Variants in PLCB1 observed in about 807,000 individuals in gnomAD.
The protein encoded by PLCB1 is phospholipase C beta 1.
PLCB1 carries 46 observed loss-of-function variants against 161.8 expected under a neutral mutation model. The observed-to-expected ratio is 0.28, with a 90% CI of 0.22 to 0.36. PLCB1 has a LOEUF of 0.36. Among genes scored for constraint, PLCB1 ranks in the 10% least tolerant of loss-of-function variants. The probability of loss-of-function intolerance (pLI) is 1.00; values close to 1 mark genes in which losing one functional copy is unlikely to be tolerated. For synonymous variants in PLCB1, 517 were observed against 503.7 expected (o/e 1.03, Z -0.35); for missense variants, 1,016 against 1,472.5 (o/e 0.69, Z 5.07).
intron 3 of PLCB1, among the ~76,000 whole-genome samples, chr20:8,379,637 C>T (rs1376291142): frequency 6.6e-6 from 1 of 152,122 alleles, no homozygotes; most frequent in Non-Finnish European, 1.5e-5. Flanking sequence ...TTTTAATAAT[C>T]ACGATTCTGA....
chr20:8,504,219 G>A (rs1465876292), intron 3 of PLCB1, among the ~76,000 whole-genome samples: 5 of 152,118 alleles, frequency 3.3e-5, no homozygotes, highest in African/African-American at 9.7e-5. Flanking sequence ...AGCCTGCACC[G>A]TTTCTAATGT....
chr20:8,339,883 C>T (rs150432538), intron 2 of PLCB1, among the ~76,000 whole-genome samples: 3 of 152,078 alleles, frequency 2.0e-5, no homozygotes, highest in African/African-American at 7.2e-5. Flanking sequence ...ATGGGAGGAT[C>T]GCTTGAGGTC....
At chr20:8,744,130 G>T (rs1197860804) in intron 23 of PLCB1, among the ~76,000 whole-genome samples, 1 of 151,436 alleles carries the variant, frequency 6.6e-6, no homozygotes, top group Non-Finnish European at 1.5e-5. Context: ...ACACCTATAT[G>T]ACAAACCCTC....
intron 2 of PLCB1, among the ~76,000 whole-genome samples, chr20:8,235,878 A>T (rs916159440): frequency 9.3e-4 from 140 of 150,908 alleles, no homozygotes; most frequent in African/African-American, 3.2e-3. Context: ...ACCTATATTT[A>T]AAAAAAATCT....
At chr20:8,398,666 T>C (rs1324781644) in intron 3 of PLCB1, among the ~76,000 whole-genome samples, 4 of 152,090 alleles carry the variant, frequency 2.6e-5, no homozygotes, top group Non-Finnish European at 5.9e-5. Flanking sequence ...AGTCCCTACC[T>C]CCAACGCCCT....
chr20:8,143,841 GAA>G, intron 1 of PLCB1, among the ~76,000 whole-genome samples: 1 of 152,310 alleles, frequency 6.6e-6, no homozygotes, highest in Non-Finnish European at 1.5e-5. Context: ...AAGTCAACCA[GAA>G]ACCATTAAAA....
chr20:8,423,593 C>T (rs1226144433), intron 3 of PLCB1, among the ~76,000 whole-genome samples: 1 of 152,100 alleles, frequency 6.6e-6, no homozygotes, highest in African/African-American at 2.4e-5. Flanking sequence ...TCGTATTTGT[C>T]CTCAGAGAGA....
At chr20:8,332,381 C>A (rs116647467) in intron 2 of PLCB1, among the ~76,000 whole-genome samples, 1 of 152,220 alleles carries the variant, frequency 6.6e-6, no homozygotes, top group South Asian at 2.1e-4. Flanking sequence ...CTAAATAGAT[C>A]CCAAAATACA....
intron 2 of PLCB1, among the ~76,000 whole-genome samples, chr20:8,326,402 C>G (rs554863017): frequency 6.6e-6 from 1 of 152,342 alleles, no homozygotes; most frequent in South Asian, 2.1e-4. Context: ...GCTTACAGCA[C>G]AGCACAAGCT....
At chr20:8,376,934 AAAAAAG>A (rs1368480458) in intron 3 of PLCB1, among the ~76,000 whole-genome samples, 2 of 152,068 alleles carry the variant, frequency 1.3e-5, no homozygotes, top group African/African-American at 4.8e-5. Flanking sequence ...TCTCAAAAAA[AAAAAAG>A]AAAAAGAAAG....
At chr20:8,484,473 G>A (rs548507408) in intron 3 of PLCB1, among the ~76,000 whole-genome samples, 1 of 151,440 alleles carries the variant, frequency 6.6e-6, no homozygotes, top group East Asian at 2.0e-4. Flanking sequence ...GTGTTCTCCT[G>A]CCTCAGCCTC....
At chr20:8,817,039 C>T (rs1414292822) in intron 31 of PLCB1, among the ~76,000 whole-genome samples, 5 of 152,112 alleles carry the variant, frequency 3.3e-5, no homozygotes, top group Non-Finnish European at 7.4e-5. Context: ...TTGATTGGTT[C>T]TTAGTAGAAT....
At chr20:8,592,463 G>A (rs545063203) in intron 3 of PLCB1, among the ~76,000 whole-genome samples, 2 of 152,282 alleles carry the variant, frequency 1.3e-5, no homozygotes, top group East Asian at 1.9e-4. Flanking sequence ...GGACATCATG[G>A]GGAACCTATT....
intron 3 of PLCB1, among the ~76,000 whole-genome samples, chr20:8,612,876 T>C (rs916373760): frequency 2.0e-5 from 3 of 152,182 alleles, no homozygotes; most frequent in African/African-American, 7.2e-5. Context: ...AAAGTCACCA[T>C]CTGTTAATGA....
At chr20:8,400,248 G>A (rs1222178365) in intron 3 of PLCB1, among the ~76,000 whole-genome samples, 1 of 152,078 alleles carries the variant, frequency 6.6e-6, no homozygotes, top group African/African-American at 2.4e-5. Context: ...ATTTTAAGTT[G>A]AATAAGTTTT....
At chr20:8,435,083 C>T (rs1159967614) in intron 3 of PLCB1, among the ~76,000 whole-genome samples, 2 of 152,176 alleles carry the variant, frequency 1.3e-5, no homozygotes, top group Non-Finnish European at 2.9e-5. Context: ...AATAGAGCTA[C>T]AAGGTTAATC....
intron 2 of PLCB1, among the ~76,000 whole-genome samples, chr20:8,259,526 G>A (rs1322893999): frequency 6.6e-6 from 1 of 152,060 alleles, no homozygotes; most frequent in African/African-American, 2.4e-5. Context: ...TGAGGTGGGA[G>A]GATCGCTTGA....
At chr20:8,453,089 T>C (rs1030482061) in intron 3 of PLCB1, among the ~76,000 whole-genome samples, 2 of 152,254 alleles carry the variant, frequency 1.3e-5, no homozygotes, top group African/African-American at 4.8e-5. Context: ...GTGAATGTGA[T>C]AACTCAACTT....
intron 3 of PLCB1, among the ~76,000 whole-genome samples, chr20:8,482,639 G>T (rs761213547): frequency 2.6e-5 from 4 of 152,120 alleles, no homozygotes; most frequent in Non-Finnish European, 4.4e-5. Context: ...GGGAAAATGT[G>T]TTCCATTTTG....
Sources: gnomAD v4.1 joint callset for allele counts (sites outside exome capture counted in the v4.1 genomes callset) on GRCh38, gnomAD v4.1.1 for gene constraint, MANE v1.5 for transcripts, NCBI Gene and HGNC (gene_info 2026-07-23, HGNC 2026-07-21) for gene names.